Variants in AACS observed in about 807,000 individuals in gnomAD.
AACS encodes the protein acetoacetate-CoA ligase.
Under a neutral mutation model 83.1 loss-of-function variants are expected in AACS, and 69 were observed. The ratio of observed to expected loss-of-function variants is 0.83; its 90% CI spans 0.68 to 1.01. AACS has a LOEUF of 1.01. Among genes scored for constraint, AACS ranks in the 50% least tolerant of loss-of-function variants. The pLI is 0.00. For synonymous variants in AACS, 333 were observed against 343.4 expected, an observed-to-expected ratio of 0.97 and a Z score of 0.33; for missense variants, 866 against 882.2, an observed-to-expected ratio of 0.98 and a Z score of 0.23.
rs901307596 is a variant in AACS, at chr12:125,109,317, A to G, written c.915+2049A>G. Among the ~76,000 whole-genome samples the G allele has an allele frequency of 5.3e-5, 8 of 152,030 alleles. No individual in the cohort carries two copies. In the East Asian group the frequency reaches 1.4e-3, roughly 26 times the overall value. The stretch of plus-strand genomic sequence containing the variant: ...GTTTTTGTAGAGATGGGGTCTTGCT[A>G]TGTTCCCCAGGCTGGTCATGAACTC... On this transcript the variant is annotated intron_variant, in intron 8 of 17. Transcript: ENST00000316519.
At chr12:125,071,888 G>A (rs1053609723) in intron 1 of AACS, among the ~76,000 whole-genome samples, 19 of 152,016 alleles carry the variant, frequency 1.2e-4, no homozygotes, top group Non-Finnish European at 2.6e-4. Context: ...ACAGAGTTTC[G>A]CTCTTGTTGC....
rs760666000 is a variant in AACS, at chr12:125,091,542, CAG to C, written c.570+22_570+23del. On this transcript the variant is annotated intron_variant, in intron 5 of 17. Transcript: ENST00000316519. Reference sequence around the variant, plus strand: ...TGTGAATGTGAGTCAGGGTCTGTGACAGAGGGGGCACCCCTTGCCCTGTGAGC... The same window carrying C: ...TGTGAATGTGAGTCAGGGTCTGTGACAGGGGGCACCCCTTGCCCTGTGAGC... The C allele has an allele frequency of 2.0e-5, 33 of 1,612,480 alleles. No homozygotes were observed. The highest frequency in any genetic ancestry group is 2.6e-5 in the Non-Finnish European group (31 of 1,178,612).
chr12:125,134,848 C>T lies in AACS; in HGVS notation c.1674C>T (p.Asn558=). The change falls in exon 16 of 18, where the codon AAC becomes AAT. Residue 558 remains asparagine (N), a synonymous_variant. Coordinates refer to ENST00000316519, the MANE Select transcript of AACS (RefSeq NM_023928.5). ...GVRFGSSEIY[N]IVESFEEVED... ...GGTTCGGCAGCTCGGAAATCTATAA[C>T]ATTGGTACGTGCTTCCCCTCCCTGA... The T allele has an allele frequency of 6.2e-7, 1 of 1,614,168 alleles. No homozygotes were observed. Among genetic ancestry groups the T allele is most frequent in the Non-Finnish European group, 8.5e-7 (1 of 1,180,014 alleles).
intron 10 of AACS, 137 bp downstream of exon 10, chr12:125,118,902 C>T (rs939036905): frequency 1.1e-5 from 14 of 1,317,152 alleles, no homozygotes; most frequent in African/African-American, 3.0e-5. Context: ...TGGACGCCCC[C>T]TCTCCAAGAG....
intron 9 of AACS, chr12:125,117,815 A>G (rs1957082575): frequency 6.6e-6 from 1 of 151,832 alleles, no homozygotes. Flanking sequence ...GTGAGACCTC[A>G]TCTACAAAAA....
intron 14 of AACS, among the ~76,000 whole-genome samples, chr12:125,132,664 G>A (rs1251421466): frequency 1.3e-5 from 2 of 152,118 alleles, no homozygotes; most frequent in South Asian, 2.1e-4. Flanking sequence ...TTGGGGAGGC[G>A]GGAGGAAAGA....
intron 8 of AACS, among the ~76,000 whole-genome samples, chr12:125,109,472 C>T (rs1446363846): frequency 6.6e-6 from 1 of 152,186 alleles, no homozygotes; most frequent in Admixed American, 6.5e-5. Flanking sequence ...TCTCTCTCAG[C>T]GTATATACAC....
intron 1 of AACS, among the ~76,000 whole-genome samples, chr12:125,069,731 A>C (rs1046890815): frequency 6.6e-6 from 1 of 152,184 alleles, no homozygotes; most frequent in Non-Finnish European, 1.5e-5. Flanking sequence ...TGTGTACCAC[A>C]AGCTGCACGT....
chr12:125,085,184 G>A (rs888321324), intron 3 of AACS, among the ~76,000 whole-genome samples: 7 of 152,348 alleles, frequency 4.6e-5, no homozygotes, highest in Admixed American at 2.6e-4. Context: ...AGGAAATTCC[G>A]TAAGGTGGCA....
At chr12:125,081,491 C>T (rs1956184189) in intron 3 of AACS, among the ~76,000 whole-genome samples, 1 of 152,190 alleles carries the variant, frequency 6.6e-6, no homozygotes, top group Non-Finnish European at 1.5e-5. Flanking sequence ...GTTCCTTACC[C>T]AGCTGGGTGC....
intron 1 of AACS, among the ~76,000 whole-genome samples, chr12:125,066,600 C>T (rs894269353): frequency 2.0e-5 from 3 of 152,068 alleles, no homozygotes; most frequent in African/African-American, 7.2e-5. Flanking sequence ...CAGGCATACA[C>T]CACCACGCCT....
intron 7 of AACS, among the ~76,000 whole-genome samples, chr12:125,104,171 C>G (rs1956784160): frequency 6.6e-6 from 1 of 152,022 alleles, no homozygotes; most frequent in Non-Finnish European, 1.5e-5. Flanking sequence ...GGCGTTTACC[C>G]CCACGGGGTA....
chr12:125,130,872 G>A lies in AACS; in HGVS notation c.1549+1412G>A, dbSNP rs1472395424. Among the ~76,000 whole-genome samples the A allele has an allele frequency of 1.3e-5, 2 of 152,174 alleles. No individual in the cohort carries two copies. Among genetic ancestry groups the A allele is most frequent in the Non-Finnish European group, 2.9e-5 (2 of 68,030 alleles). The stretch of plus-strand genomic sequence containing the variant: ...CAATACTTCCTGAGTGTAGGTGAGA[G>A]ATATGAATAAATATGGAAAGACAAA... On this transcript the variant is annotated intron_variant, in intron 14 of 17. Coordinates refer to ENST00000316519, the MANE Select transcript of AACS (RefSeq NM_023928.5). The surrounding 1 kb of genome is among the most constrained non-coding windows in gnomAD (Gnocchi z 4.9).
At chr12:125,077,116 A>G (rs552983495) in intron 3 of AACS, among the ~76,000 whole-genome samples, 17 of 135,486 alleles carry the variant, frequency 1.3e-4, no homozygotes, top group Non-Finnish European at 2.3e-4. Flanking sequence ...GGGTCTTGCT[A>G]TGTTGTCCAG....
At chr12:125,111,209 G>T (rs1005024592) in intron 8 of AACS, among the ~76,000 whole-genome samples, 7 of 151,742 alleles carry the variant, frequency 4.6e-5, no homozygotes, top group Middle Eastern at 3.2e-3. Flanking sequence ...AGTTGGAATC[G>T]CGTTTTCCCT....
At chr12:125,087,784 A>G (rs1046202057) in intron 4 of AACS, among the ~76,000 whole-genome samples, 1 of 152,068 alleles carries the variant, frequency 6.6e-6, no homozygotes, top group Non-Finnish European at 1.5e-5. Context: ...AGGCCCCACT[A>G]CCCTGCCCCG....
intron 10 of AACS, chr12:125,123,804 A>G (rs1592999051): frequency 6.6e-6 from 1 of 152,254 alleles, no homozygotes; most frequent in Non-Finnish European, 1.5e-5. Context: ...CTGAGTTTAC[A>G]TGTGAAGGGC....
intron 14 of AACS, among the ~76,000 whole-genome samples, chr12:125,132,791 C>T (rs1957345856): frequency 2.0e-5 from 3 of 152,300 alleles, no homozygotes; most frequent in African/African-American, 4.8e-5. Context: ...CCTTGGCCTT[C>T]GTCCCCATAG....
chr12:125,124,527 G>A (rs1957212523), intron 10 of AACS, 178 bp from the exon 11 acceptor site: 1 of 657,852 alleles, frequency 1.5e-6, no homozygotes, highest in Admixed American at 2.9e-5. Flanking sequence ...AGGTGCACCT[G>A]TGAGGAAGTC....
Sources: allele counts gnomAD v4.1 joint callset (sites outside exome capture counted in the v4.1 genomes callset), GRCh38; gene constraint gnomAD v4.1.1; non-coding constraint Gnocchi (gnomAD v3.1); transcripts MANE v1.5; gene names NCBI Gene and HGNC (gene_info 2026-07-23, HGNC 2026-07-21).